DLGAP1: variants seen among roughly 807,000 people sequenced by gnomAD.
DLGAP1 encodes the protein DLG associated protein 1.
In DLGAP1, 11 loss-of-function variants were observed where a neutral mutation model predicts 90.8. The observed-to-expected ratio is 0.12, with a 90% CI of 0.08 to 0.20. The LOEUF is 0.20. Ranked by LOEUF, DLGAP1 falls within the 10% of genes least tolerant of loss-of-function variation. The probability of loss-of-function intolerance (pLI) is 1.00; values close to 1 mark genes in which losing one functional copy is unlikely to be tolerated. For missense variants in DLGAP1, 1,050 were observed against 1,333.8 expected, an observed-to-expected ratio of 0.79 and a Z score of 3.31; for synonymous variants, 558 against 540.7, an observed-to-expected ratio of 1.03 and a Z score of -0.44.
At chr18:4,094,867 G>A (rs2143799638) in intron 2 of DLGAP1, among the ~76,000 whole-genome samples, 1 of 151,992 alleles carries the variant, frequency 6.6e-6, no homozygotes, top group East Asian at 1.9e-4. Context: ...CAAAGTGCTG[G>A]GATTACAGGC....
intron 2 of DLGAP1, among the ~76,000 whole-genome samples, chr18:4,063,426 A>G (rs4387678): frequency 0.4 from 60,018 of 151,942 alleles, 12,876 homozygotes; most frequent in Non-Finnish European, 0.49. Context: ...AGGATCTTTT[A>G]TTCTGAAGGA....
chr18:4,382,258 C>G (rs1234307383), intron 1 of DLGAP1, among the ~76,000 whole-genome samples: 1 of 152,102 alleles, frequency 6.6e-6, no homozygotes, highest in Admixed American at 6.6e-5. Flanking sequence ...GCACACCTCA[C>G]TAAACTTTAA....
At chr18:4,083,800 G>T (rs2075645541) in intron 2 of DLGAP1, among the ~76,000 whole-genome samples, 1 of 152,112 alleles carries the variant, frequency 6.6e-6, no homozygotes, top group African/African-American at 2.4e-5. Context: ...AGCATCTAGG[G>T]TTGAGTGTTG....
chr18:4,189,033 G>C lies in DLGAP1; in HGVS notation c.-266-37746C>G, dbSNP rs145014865. 1.9e-3 allele frequency among the ~76,000 whole-genome samples: 289 copies of C among 152,172 alleles called. 4 individuals are homozygous for C. The highest frequency in any genetic ancestry group is 6.7e-3 in the African/African-American group (279 of 41,522). The stretch of plus-strand genomic sequence containing the variant: ...TCTCACTGTAAAAACTCTTAAAAAT[G>C]ATAATTACTTTTTTATGTTCTTTTC... On this transcript the variant is annotated intron_variant, in intron 1 of 12. Transcript: ENST00000315677.
At chr18:3,804,753 A>G (rs147154879) in intron 5 of DLGAP1, among the ~76,000 whole-genome samples, 1 of 152,234 alleles carries the variant, frequency 6.6e-6, no homozygotes, top group East Asian at 1.9e-4. Context: ...TTGTGTAATG[A>G]TGCGTTAGCA....
At chr18:3,600,697 GAT>G (rs1273992955) in intron 7 of DLGAP1, among the ~76,000 whole-genome samples, 1 of 132,846 alleles carries the variant, frequency 7.5e-6, no homozygotes, top group African/African-American at 3.0e-5. Flanking sequence ...GATCTATATA[GAT>G]ATCTATAGCT....
intron 6 of DLGAP1, among the ~76,000 whole-genome samples, chr18:3,738,356 A>G (rs1481779166): frequency 1.4e-5 from 2 of 147,766 alleles, no homozygotes; most frequent in Non-Finnish European, 2.9e-5. Flanking sequence ...GAGGCATCAC[A>G]CTATCTGACT....
chr18:3,789,273 T>C (rs1471475369), intron 5 of DLGAP1, among the ~76,000 whole-genome samples: 3 of 152,166 alleles, frequency 2.0e-5, no homozygotes, highest in Non-Finnish European at 4.4e-5. Context: ...ATAGAGGCTG[T>C]GGGAAGAATG....
chr18:3,817,724 A>T (rs1321607382), intron 4 of DLGAP1, among the ~76,000 whole-genome samples: 2 of 152,250 alleles, frequency 1.3e-5, no homozygotes, highest in Admixed American at 6.5e-5. Context: ...AGGCCCAAAG[A>T]GTGAAATGTT....
intron 3 of DLGAP1, among the ~76,000 whole-genome samples, chr18:3,960,616 C>T (rs921695397): frequency 2.0e-5 from 3 of 152,178 alleles, no homozygotes; most frequent in South Asian, 2.1e-4. Context: ...ATTGCTGTGC[C>T]GTACCTCCAG....
intron 9 of DLGAP1, among the ~76,000 whole-genome samples, chr18:3,559,312 T>C (rs888675207): frequency 6.6e-6 from 1 of 152,218 alleles, no homozygotes; most frequent in Non-Finnish European, 1.5e-5. Context: ...AGGAGTGTGT[T>C]TATGTAAAAT....
chr18:4,328,193 C>T (rs2080867374), intron 1 of DLGAP1, among the ~76,000 whole-genome samples: 1 of 151,982 alleles, frequency 6.6e-6, no homozygotes, highest in South Asian at 2.1e-4. Flanking sequence ...AGTATATGAG[C>T]AACACATATG....
chr18:3,721,991 T>TATTAAAATAATTA (rs2062000278), intron 7 of DLGAP1: 1 of 152,238 alleles, frequency 6.6e-6, no homozygotes, highest in Non-Finnish European at 1.5e-5. Flanking sequence ...TTATCATTAT[T>TATTAAAATAATTA]ATTAAACTAA....
chr18:3,497,803 C>T lies in DLGAP1; in HGVS notation c.*1382G>A, dbSNP rs1396689385. On this transcript the variant is annotated 3_prime_UTR_variant, in exon 13 of 13. Transcript: ENST00000315677. ...AAGACTAAAAATCTAAATCAACACT[C>T]TCTGCCAAAAGCCTTGACTTCTTTC... is the stretch of plus-strand genomic sequence containing the variant. 6.6e-6 allele frequency: 1 copy of T among 152,236 alleles called. No homozygotes were observed. Among genetic ancestry groups the T allele is most frequent in the African/African-American group, 2.4e-5 (1 of 41,446 alleles). The allele number at this position is 152,236 out of a possible 1,614,324, so 9.4% of individuals were successfully genotyped here.
chr18:4,143,258 G>C (rs1308248453), intron 2 of DLGAP1, among the ~76,000 whole-genome samples: 1 of 152,070 alleles, frequency 6.6e-6, no homozygotes, highest in Non-Finnish European at 1.5e-5. Flanking sequence ...CCAGGAGCCA[G>C]GGCCTGGAGT....
chr18:3,849,494 G>A (rs553523804), intron 4 of DLGAP1, among the ~76,000 whole-genome samples: 18 of 152,200 alleles, frequency 1.2e-4, no homozygotes, highest in African/African-American at 4.3e-4. Flanking sequence ...GCATAGGGGA[G>A]TGCTAAGAAA....
chr18:4,231,388 C>G (rs1390529598), intron 1 of DLGAP1, among the ~76,000 whole-genome samples: 1 of 152,118 alleles, frequency 6.6e-6, no homozygotes, highest in Non-Finnish European at 1.5e-5. Context: ...GCCTGCCAAG[C>G]TAGCTGGGTT....
At chr18:4,142,387 C>T (rs1226049435) in intron 2 of DLGAP1, among the ~76,000 whole-genome samples, 1 of 152,104 alleles carries the variant, frequency 6.6e-6, no homozygotes, top group Non-Finnish European at 1.5e-5. Context: ...AACAACATTA[C>T]CACCCAACAC....
intron 10 of DLGAP1, among the ~76,000 whole-genome samples, chr18:3,521,576 C>T (rs2144155395): frequency 6.6e-6 from 1 of 152,318 alleles, no homozygotes; most frequent in East Asian, 1.9e-4. Flanking sequence ...GCAAAGTCCT[C>T]ATCCTTATGA....
Sources: gnomAD v4.1 joint callset for allele counts (sites outside exome capture counted in the v4.1 genomes callset) on GRCh38, gnomAD v4.1.1 for gene constraint, MANE v1.5 for transcripts, NCBI Gene and HGNC (gene_info 2026-07-23, HGNC 2026-07-21) for gene names.